The following SELENOV variants were observed in gnomAD, a reference collection of about 807,000 sequenced individuals.
The protein encoded by SELENOV is selenoprotein V.
Under a neutral mutation model 21.6 loss-of-function variants are expected in SELENOV, and 25 were observed. The observed-to-expected ratio is 1.16, with a 90% CI of 0.84 to 1.62. The LOEUF is 1.62. SELENOV is among the 40% of genes most tolerant of loss of function. The pLI is 0.00. For synonymous variants in SELENOV, 227 were observed against 216.9 expected (o/e 1.05, Z -0.41); for missense variants, 472 against 459.0 (o/e 1.03, Z -0.26).
Position 39,515,863 on chromosome 19 carries a change from CA to C in SELENOV, c.652del (p.Ile218SerfsTer47). 1.9e-6 allele frequency: 3 copies of C among 1,555,334 alleles called. No homozygotes were observed. The South Asian group carries it at 3.6e-5, about 18-fold the overall frequency. ...TCACCTTCAGGGCAGACCCGTCGGC[CA>C]TCGGGCTGGCGGATCCCCCCATTCC... On this transcript the variant is annotated frameshift_variant, in exon 1 of 6. Transcript: ENST00000335426. LOFTEE classifies it high-confidence loss of function. The surrounding 1 kb of genome is among the most constrained non-coding windows in gnomAD (Gnocchi z 5.1).
Position 39,515,997 on chromosome 19 carries a change from G to T in SELENOV, c.785G>T (p.Arg262Met). The change falls in exon 1 of 6, where the codon AGG becomes ATG. Residue 262 changes from arginine (R) to methionine (M), a missense_variant. Physicochemically the swap from Arg to Met is moderately conservative, Grantham distance 91. Transcript: ENST00000335426. The surrounding 1 kb of genome is among the most constrained non-coding windows in gnomAD (Gnocchi z 5.1). ...AGCGAGAACTTCGCGCTGGACAAGA[G>T]GGTCCTGATTCGAGTGACCTACTGG... 6.3e-7 allele frequency: 1 copy of T among 1,598,396 alleles called. No individual in the cohort carries two copies. The highest frequency in any genetic ancestry group is 1.1e-5 in the South Asian group (1 of 88,162).
In SELENOV at chr19:39,515,322, T is replaced by C. The variant is rs1159845335; in HGVS notation, c.110T>C (p.Val37Ala). The stretch of plus-strand genomic sequence containing the variant: ...ACTCCACTCCGGACCCCGACTCCGG[T>C]CCGGACTCGGACCCCCATCCGGACC... Residue 37 changes from valine (V) to alanine (A), a missense_variant, in exon 1 of 6, where the codon GTC becomes GCC. Transcript: ENST00000335426. This position sits in a 1 kb window ranked among gnomAD's most constrained non-coding sequence, Gnocchi z 5.1. 6.4e-7 allele frequency: 1 copy of C among 1,550,674 alleles called. No individual in the cohort carries two copies.
At chr19:39,518,788 C>T (rs1379700573) in exon 3 of SELENOV, 1 of 1,613,830 alleles carries the variant, frequency 6.2e-7, no homozygotes, top group Non-Finnish European at 8.5e-7. Flanking sequence ...GAATCACCTA[C>T]TCTTTGTAAG....
chr19:39,517,849 G>A (rs144483274), intron 1 of SELENOV, among the ~76,000 whole-genome samples: 448 of 150,620 alleles, frequency 3.0e-3, no homozygotes, highest in Admixed American at 4.6e-3. Flanking sequence ...CTGTAATCCC[G>A]GCTACTTGGG....
chr19:39,518,743 A>C, exon 3 of SELENOV: 1 of 1,613,740 alleles, frequency 6.2e-7, no homozygotes, highest in South Asian at 1.1e-5. Flanking sequence ...CCCTCAGTAC[A>C]TTCTACTGAA....
intron 1 of SELENOV, among the ~76,000 whole-genome samples, chr19:39,516,529 T>A (rs2079697899): frequency 6.6e-6 from 1 of 151,916 alleles, no homozygotes; most frequent in South Asian, 2.1e-4. Flanking sequence ...TCTCTCTCTT[T>A]TGTTTTTGTT....
chr19:39,518,286 C>CAAAAAAA (rs780708032), intron 1 of SELENOV, among the ~76,000 whole-genome samples: 10 of 112,138 alleles, frequency 8.9e-5, no homozygotes, highest in African/African-American at 1.9e-4. Context: ...AACAAAAAAA[C>CAAAAAAA]AAAAAAACAA....
At chr19:39,520,180 T>A (rs972728968) in exon 6 of SELENOV, 3 of 152,690 alleles carry the variant, frequency 2.0e-5, no homozygotes, top group African/African-American at 7.2e-5. Flanking sequence ...GGCTGAAATG[T>A]TGCCAAGTCA....
chr19:39,516,427 GTCTC>G (rs143879239), intron 1 of SELENOV, among the ~76,000 whole-genome samples: 5 of 149,910 alleles, frequency 3.3e-5, no homozygotes, highest in Admixed American at 6.7e-5. Flanking sequence ...CTGGCCCCTT[GTCTC>G]TCTCTCTCTC....
intron 1 of SELENOV, among the ~76,000 whole-genome samples, chr19:39,517,666 G>A (rs2144774662): frequency 6.6e-6 from 1 of 152,154 alleles, no homozygotes; most frequent in East Asian, 1.9e-4. Context: ...GCATACCTGG[G>A]GTATTGAAAG....
Position 39,515,656 on chromosome 19 carries a change from C to T in SELENOV, c.444C>T (p.Ala148=). ...TCTTGGACTCCTACCTGGCCCCGGC[C>T]CTACCTTTGGATCCGCCCCCGGAAC... The change falls in exon 1 of 6, where the codon GCC becomes GCT. Residue 148 remains alanine, a synonymous_variant. Transcript: ENST00000335426. The surrounding 1 kb of genome is among the most constrained non-coding windows in gnomAD (Gnocchi z 5.1). 2 of 1,548,494 alleles carry T rather than the reference C, an allele frequency of 1.3e-6. No homozygotes were observed. Among genetic ancestry groups the T allele is most frequent in the Middle Eastern group, 3.3e-4 (2 of 5,992 alleles).
rs1337038371 is a variant in SELENOV, at chr19:39,515,655, C to T, written c.443C>T (p.Ala148Val). 3 of 1,548,356 alleles carry T rather than the reference C, an allele frequency of 1.9e-6. No individual in the cohort carries two copies. The Admixed American group carries it at 5.9e-5, about 30-fold the overall frequency. Residue 148 changes from alanine to valine, a missense_variant, in exon 1 of 6, where the codon GCC becomes GTC. By Grantham distance (64) the Ala-to-Val change is moderately conservative (BLOSUM62 0). Coordinates refer to ENST00000335426, the Ensembl canonical transcript of SELENOV. This position sits in a 1 kb window ranked among gnomAD's most constrained non-coding sequence, Gnocchi z 5.1. Reference sequence around the variant, plus strand: ...GTCTTGGACTCCTACCTGGCCCCGGCCCTACCTTTGGATCCGCCCCCGGAA... The same window carrying T: ...GTCTTGGACTCCTACCTGGCCCCGGTCCTACCTTTGGATCCGCCCCCGGAA...
Position 39,515,226 on chromosome 19 carries a change from C to G in SELENOV, c.14C>G (p.Ala5Gly), listed in dbSNP as rs543769850. ...CCCCTGGGCCCCATGAATAACCAGG[C>G]GCGGACCCCAGCCCCCTCCTCGGCG... is the stretch of plus-strand genomic sequence containing the variant. Residue 5 changes from alanine to glycine, a missense_variant, in exon 1 of 6, where the codon GCG becomes GGG. Ala to Gly is a moderately conservative substitution (Grantham distance 60). Coordinates refer to ENST00000335426, the Ensembl canonical transcript of SELENOV. The surrounding 1 kb of genome is among the most constrained non-coding windows in gnomAD (Gnocchi z 5.1). The G allele has an allele frequency of 1.1e-5, 17 of 1,548,592 alleles. No homozygotes were observed. Among genetic ancestry groups the G allele is most frequent in the Non-Finnish European group, 4.4e-6 (5 of 1,145,774 alleles).
At chr19:39,516,310 G>A in intron 1 of SELENOV, 1 of 593,496 alleles carries the variant, frequency 1.7e-6, no homozygotes, top group East Asian at 3.6e-5. Flanking sequence ...GTGCTGAGTA[G>A]AGCAGATCGA....
exon 5 of SELENOV, chr19:39,519,098 A>G (rs759490596): frequency 6.2e-7 from 1 of 1,613,856 alleles, no homozygotes; most frequent in South Asian, 1.1e-5. Flanking sequence ...GAACGAGTCC[A>G]GGCTGCAGAA....
At position 39,516,009 on chromosome 19, in the gene SELENOV, G is replaced by C. The variant is rs373798969; in HGVS notation, c.797G>C (p.Arg266Pro). 6.7e-5 allele frequency: 106 copies of C among 1,589,938 alleles called. 1 individual carries two copies. The African/African-American group carries it at 1.4e-3, about 21-fold the overall frequency. Residue 266 changes from arginine to proline, a missense_variant, in exon 1 of 6, where the codon CGA becomes CCA. Physicochemically the swap from Arg to Pro is moderately radical, Grantham distance 103 (BLOSUM62 -2). Transcript: ENST00000335426. The stretch of plus-strand genomic sequence containing the variant: ...GCGCTGGACAAGAGGGTCCTGATTC[G>C]AGTGACCTACTGGTGAGGACCTCAC...
chr19:39,518,287 AAAAAAAC>A (rs1460884957), intron 1 of SELENOV, among the ~76,000 whole-genome samples: 921 of 39,070 alleles, frequency 0.024, 14 homozygotes, highest in African/African-American at 0.082. Flanking sequence ...ACAAAAAAAC[AAAAAAAC>A]AAAAAAAAAA....
Position 39,515,590 on chromosome 19 carries a change from C to T in SELENOV, c.378C>T (p.Ala126=). The T allele has an allele frequency of 6.5e-7, 1 of 1,549,156 alleles. No individual in the cohort carries two copies. The highest frequency in any genetic ancestry group is 1.2e-5 in the South Asian group (1 of 84,056). ...CTCCAGTCCGGGTCCCAGCCCCAGC[C>T]CCAGCCCAGCTCCTGGCAGGGATTC... is the stretch of plus-strand genomic sequence containing the variant. The change falls in exon 1 of 6, where the codon GCC becomes GCT. Residue 126 remains alanine, a synonymous_variant. Transcript: ENST00000335426. The surrounding 1 kb of genome is among the most constrained non-coding windows in gnomAD (Gnocchi z 5.1).
chr19:39,518,659 G>A, intron 2 of SELENOV, 27 bp downstream of exon 2: 1 of 1,611,998 alleles, frequency 6.2e-7, no homozygotes, highest in South Asian at 1.1e-5. Context: ...TTGGAGGTAG[G>A]GGGAGCCTGA....
Sources: allele counts gnomAD v4.1 joint callset (sites outside exome capture counted in the v4.1 genomes callset), GRCh38; gene constraint gnomAD v4.1.1; non-coding constraint Gnocchi (gnomAD v3.1); transcripts MANE v1.5; gene names NCBI Gene and HGNC (gene_info 2026-07-23, HGNC 2026-07-21).